Variants in SVOP observed in about 807,000 individuals in gnomAD.
SVOP encodes the protein synaptic vesicle 2-related protein.
In SVOP, 17 loss-of-function variants were observed where a neutral mutation model predicts 69.1. The ratio of observed to expected loss-of-function variants is 0.25; its 90% CI spans 0.17 to 0.37. SVOP has a LOEUF of 0.37. Ranked by LOEUF, SVOP falls within the 10% of genes least tolerant of loss-of-function variation. The pLI, the probability that SVOP is intolerant of heterozygous loss-of-function variation, is 1.00. For synonymous variants in SVOP, 238 were observed against 238.6 expected (o/e 1.00, Z 0.02); for missense variants, 435 against 597.5 (o/e 0.73, Z 2.84).
chr12:108,929,672 C>T (rs2039803592), intron 11 of SVOP, among the ~76,000 whole-genome samples: 1 of 152,142 alleles, frequency 6.6e-6, no homozygotes, highest in Non-Finnish European at 1.5e-5. Context: ...AGTAATTTTC[C>T]ATCCACTGAC....
intron 1 of SVOP, among the ~76,000 whole-genome samples, chr12:108,986,065 C>T (rs146449777): frequency 0.95 from 145,064 of 152,296 alleles, 69,498 homozygotes; most frequent in South Asian, 1. Context: ...CAGCACAGGG[C>T]TGGCAGACAG....
intron 1 of SVOP, among the ~76,000 whole-genome samples, chr12:109,014,248 TGGCCTTCCAAAGTGCCTC>T (rs1285625842): frequency 6.6e-6 from 1 of 152,082 alleles, no homozygotes; most frequent in Non-Finnish European, 1.5e-5. Flanking sequence ...ACTCCTGCCT[TGGCCTTCCAAAGTGCCTC>T]GGCCTTCCAA....
chr12:108,969,046 A>G (rs921481180), intron 5 of SVOP, among the ~76,000 whole-genome samples: 1 of 151,874 alleles, frequency 6.6e-6, no homozygotes, highest in Non-Finnish European at 1.5e-5. Context: ...TGTCCTCCCA[A>G]AGTGCTGGGA....
chr12:108,987,484 G>A (rs2040171964), intron 1 of SVOP, among the ~76,000 whole-genome samples: 1 of 152,100 alleles, frequency 6.6e-6, no homozygotes. Context: ...TGGATGAAAG[G>A]GTTATTCTAT....
rs1356209031 is a variant in SVOP, at chr12:108,909,737, C to T, written c.*2798G>A. 2 of 152,132 alleles carry T rather than the reference C, an allele frequency of 1.3e-5. No homozygotes were observed. Among genetic ancestry groups the T allele is most frequent in the South Asian group, 2.1e-4 (1 of 4,834 alleles). The allele number at this position is 152,132 out of a possible 1,614,324, so 9.4% of individuals were successfully genotyped here. A position where few individuals can be genotyped will look rare whatever the true frequency, so the allele number is the denominator to read the frequency against. On this transcript the variant is annotated 3_prime_UTR_variant, in exon 16 of 16. Coordinates refer to ENST00000610966, the MANE Select transcript of SVOP (RefSeq NM_018711.5). ...TCTGGCTACATTAAATATCTTTTGCCACTTTCTGAGATCTTTCGTAACTCT... is the reference window on the plus strand; with the variant it reads ...TCTGGCTACATTAAATATCTTTTGCTACTTTCTGAGATCTTTCGTAACTCT...
chr12:108,958,790 C>T (rs570494799), intron 6 of SVOP, among the ~76,000 whole-genome samples: 23 of 152,216 alleles, frequency 1.5e-4, no homozygotes, highest in African/African-American at 5.5e-4. Context: ...TTGAGGGCAG[C>T]CCACATCCGA....
chr12:108,933,126 C>T (rs1003386441), intron 11 of SVOP, among the ~76,000 whole-genome samples: 1 of 152,164 alleles, frequency 6.6e-6, no homozygotes, highest in Non-Finnish European at 1.5e-5. Flanking sequence ...CTACCTGCCT[C>T]GGCCTCCTAA....
chr12:108,979,985 A>T (rs950451530), intron 2 of SVOP, among the ~76,000 whole-genome samples: 5 of 152,170 alleles, frequency 3.3e-5, no homozygotes, highest in Non-Finnish European at 7.3e-5. Flanking sequence ...CAGCCTGGGC[A>T]GCATAGTGAG....
chr12:108,973,689 A>T (rs1026528600), intron 4 of SVOP, among the ~76,000 whole-genome samples: 1 of 152,116 alleles, frequency 6.6e-6, no homozygotes, highest in Non-Finnish European at 1.5e-5. Flanking sequence ...ATGAGCCACT[A>T]CACCTGGCCC....
chr12:109,013,520 A>G (rs2040353398), intron 1 of SVOP, among the ~76,000 whole-genome samples: 5 of 151,782 alleles, frequency 3.3e-5, no homozygotes. Context: ...CCTCCTGACT[A>G]GCTGAGATTA....
intron 1 of SVOP, among the ~76,000 whole-genome samples, chr12:108,993,177 T>A (rs927204979): frequency 1.3e-5 from 2 of 151,928 alleles, no homozygotes; most frequent in Non-Finnish European, 2.9e-5. Context: ...CCGGCTAACT[T>A]TTGCACTTTT....
intron 11 of SVOP, among the ~76,000 whole-genome samples, chr12:108,925,089 C>T (rs951925767): frequency 1.2e-4 from 19 of 152,246 alleles, no homozygotes; most frequent in African/African-American, 3.6e-4. Flanking sequence ...CTCAAGATAT[C>T]CCAATTTCAG....
intron 10 of SVOP, among the ~76,000 whole-genome samples, chr12:108,935,375 G>A (rs1178187952): frequency 6.6e-6 from 1 of 152,202 alleles, no homozygotes; most frequent in African/African-American, 2.4e-5. Flanking sequence ...GCAAGCAAAT[G>A]TAGTGGCTTT....
Position 108,919,789 on chromosome 12 carries a change from G to C in SVOP, c.1157-3C>G. ...AATCCACAGAGTCACAAGGACACCTGGAAGGGGAGTGGGGAGAGATAGGCA... is the reference window on the plus strand; with the variant it reads ...AATCCACAGAGTCACAAGGACACCTCGAAGGGGAGTGGGGAGAGATAGGCA... On this transcript the variant is annotated splice_polypyrimidine_tract_variant and splice_region_variant and intron_variant, in intron 12 of 15. Coordinates refer to ENST00000610966, the MANE Select transcript of SVOP (RefSeq NM_018711.5). 6.3e-7 allele frequency: 1 copy of C among 1,583,028 alleles called. No individual in the cohort carries two copies. Among genetic ancestry groups the C allele is most frequent in the Non-Finnish European group, 8.6e-7 (1 of 1,163,464 alleles).
intron 1 of SVOP, among the ~76,000 whole-genome samples, chr12:109,018,438 G>C (rs959316420): frequency 5.9e-5 from 9 of 152,048 alleles, no homozygotes; most frequent in Admixed American, 2.6e-4. Context: ...CTACTTAGTG[G>C]CTTATAATCT....
intron 6 of SVOP, among the ~76,000 whole-genome samples, chr12:108,953,717 G>T (rs1422587085): frequency 2.0e-5 from 3 of 152,136 alleles, no homozygotes; most frequent in African/African-American, 7.2e-5. Context: ...TTATGTAAGT[G>T]GATAGAGTTA....
At position 108,922,789 on chromosome 12, in the gene SVOP, G is replaced by T; in HGVS notation, c.1057C>A (p.Arg353=). 6.2e-7 allele frequency: 1 copy of T among 1,603,804 alleles called. No homozygotes were observed. The highest frequency in any genetic ancestry group is 8.5e-7 in the Non-Finnish European group (1 of 1,175,160). ...CATTTTGCCTCTACAGCCTTCTTCC[G>T]ACTGGAGACTGGGGTTGGGAGAGAG... ...QAGDVCGISS[R]KKAVEAKCSL... is the part of the protein sequence containing the mutation. Residue 353 remains arginine (R), a synonymous_variant, in exon 12 of 16, where the codon CGG becomes AGG. Coordinates refer to ENST00000610966, the MANE Select transcript of SVOP (RefSeq NM_018711.5).
chr12:108,998,783 G>C (rs11503179), intron 1 of SVOP, among the ~76,000 whole-genome samples: 1 of 149,704 alleles, frequency 6.7e-6, no homozygotes. Flanking sequence ...TCACCACCAG[G>C]CCTGCCCTAA....
intron 11 of SVOP, among the ~76,000 whole-genome samples, chr12:108,927,871 AAGG>A (rs2039790890): frequency 7.0e-6 from 1 of 142,644 alleles, no homozygotes; most frequent in African/African-American, 2.6e-5. Flanking sequence ...GCTGGGATTA[AAGG>A]CATGAGCCAC....
Sources: allele counts gnomAD v4.1 joint callset (sites outside exome capture counted in the v4.1 genomes callset), GRCh38; gene constraint gnomAD v4.1.1; transcripts MANE v1.5; gene names NCBI Gene and HGNC (gene_info 2026-07-23, HGNC 2026-07-21).